The following VPS50 variants were observed in gnomAD, a reference collection of about 807,000 sequenced individuals.
VPS50 encodes syndetin.
A neutral mutation model predicts 139.7 loss-of-function variants in VPS50; 70 were observed. That is an observed-to-expected ratio of 0.50 (90% CI 0.41 to 0.61). The LOEUF is 0.61. VPS50 is among the 20% of genes least tolerant of loss of function. VPS50 has a pLI of 0.00. For synonymous variants in VPS50, 365 were observed against 376.7 expected, an observed-to-expected ratio of 0.97 and a Z score of 0.36; for missense variants, 921 against 1,133.7, an observed-to-expected ratio of 0.81 and a Z score of 2.69.
At chr7:93,246,522 G>A (rs181357977) in intron 2 of VPS50, among the ~76,000 whole-genome samples, 89 of 151,908 alleles carry the variant, frequency 5.9e-4, no homozygotes, top group Non-Finnish European at 9.9e-4. Context: ...ATAAAAACTA[G>A]TACTGAAGAT....
intron 20 of VPS50, among the ~76,000 whole-genome samples, chr7:93,317,474 G>GAGGTTGCAGCAAGCCA (rs760537721): frequency 6.6e-6 from 1 of 152,164 alleles, no homozygotes; most frequent in Non-Finnish European, 1.5e-5. Flanking sequence ...CCAGGAGGCA[G>GAGGTTGCAGCAAGCCA]AGGTTGCAGC....
chr7:93,247,079 T>A (rs1035063434), intron 2 of VPS50, among the ~76,000 whole-genome samples: 1 of 151,948 alleles, frequency 6.6e-6, no homozygotes, highest in Non-Finnish European at 1.5e-5. Context: ...TGTAGCTTTA[T>A]CTCAGACATG....
chr7:93,251,842 T>C (rs1214261327), intron 2 of VPS50, among the ~76,000 whole-genome samples: 1 of 152,226 alleles, frequency 6.6e-6, no homozygotes, highest in Non-Finnish European at 1.5e-5. Flanking sequence ...AATGGCTAAC[T>C]TGTGATATGT....
chr7:93,304,307 A>G (rs2116970993), intron 17 of VPS50, among the ~76,000 whole-genome samples: 2 of 151,878 alleles, frequency 1.3e-5, no homozygotes, highest in Middle Eastern at 6.8e-3. Flanking sequence ...CTTATTCTGG[A>G]TAAATGTAAA....
At chr7:93,250,054 A>G (rs1380905408) in intron 2 of VPS50, among the ~76,000 whole-genome samples, 1 of 151,358 alleles carries the variant, frequency 6.6e-6, no homozygotes, top group Non-Finnish European at 1.5e-5. Context: ...ACGCTGACTC[A>G]GTGATAGCTA....
intron 9 of VPS50, among the ~76,000 whole-genome samples, chr7:93,270,299 A>G (rs1317093800): frequency 6.6e-6 from 1 of 151,976 alleles, no homozygotes; most frequent in Non-Finnish European, 1.5e-5. Context: ...CGCATGTCTC[A>G]TCCCAGTCAT....
At chr7:93,324,941 A>G (rs547539064) in intron 21 of VPS50, among the ~76,000 whole-genome samples, 8 of 152,150 alleles carry the variant, frequency 5.3e-5, no homozygotes, top group Non-Finnish European at 1.0e-4. Flanking sequence ...ATTGGAAAAA[A>G]CTACTTTAAA....
intron 9 of VPS50, among the ~76,000 whole-genome samples, chr7:93,265,393 A>C (rs573796340): frequency 1.3e-5 from 2 of 152,242 alleles, no homozygotes; most frequent in South Asian, 4.1e-4. Flanking sequence ...AAGTAAACAA[A>C]CGGTTGTGGC....
At chr7:93,313,098 T>C (rs1416339066) in intron 20 of VPS50, among the ~76,000 whole-genome samples, 1 of 152,192 alleles carries the variant, frequency 6.6e-6, no homozygotes, top group Non-Finnish European at 1.5e-5. Flanking sequence ...GAAAGAATAG[T>C]ACCAACCAAT....
At chr7:93,346,307 G>A (rs1360523392) in intron 23 of VPS50, among the ~76,000 whole-genome samples, 1 of 152,152 alleles carries the variant, frequency 6.6e-6, no homozygotes, top group Non-Finnish European at 1.5e-5. Flanking sequence ...ACAGACCACT[G>A]CTCAAAGAAA....
At chr7:93,329,134 A>G (rs1797865061) in intron 21 of VPS50, among the ~76,000 whole-genome samples, 1 of 152,172 alleles carries the variant, frequency 6.6e-6, no homozygotes, top group African/African-American at 2.4e-5. Context: ...TAACTCTAAG[A>G]TATTGGAACC....
chr7:93,352,727 T>C (rs1461636523), intron 25 of VPS50, among the ~76,000 whole-genome samples: 1 of 152,178 alleles, frequency 6.6e-6, no homozygotes, highest in Non-Finnish European at 1.5e-5. Flanking sequence ...TTCTGCTCTT[T>C]CCGTCTAATT....
intron 12 of VPS50, among the ~76,000 whole-genome samples, chr7:93,286,898 G>T (rs1403369715): frequency 6.6e-6 from 1 of 151,812 alleles, no homozygotes; most frequent in East Asian, 1.9e-4. Context: ...ATAATGGAAA[G>T]GGGCTCAATT....
chr7:93,276,513 G>T, intron 12 of VPS50: 2 of 698,060 alleles, frequency 2.9e-6, no homozygotes, highest in Non-Finnish European at 4.2e-6. Context: ...TGAGATTGGA[G>T]CATGATTGCT....
intron 20 of VPS50, among the ~76,000 whole-genome samples, chr7:93,320,174 G>A (rs140256302): frequency 1.1e-4 from 16 of 152,144 alleles, no homozygotes; most frequent in African/African-American, 2.2e-4. Context: ...GTAGAAATTC[G>A]GACTCGGAAC....
intron 2 of VPS50, 45 bp from the exon 3 acceptor site, chr7:93,252,608 T>C: frequency 7.4e-7 from 1 of 1,350,394 alleles, no homozygotes; most frequent in Non-Finnish European, 1.0e-6. Context: ...CAGATATAAT[T>C]TTAACAGCTA....
chr7:93,232,615 G>A, intron 1 of VPS50, 115 bp downstream of exon 1: 1 of 946,988 alleles, frequency 1.1e-6, no homozygotes. Context: ...GGTGGCAGGT[G>A]TCAGGGGGAC....
Position 93,307,690 on chromosome 7 carries a change from A to G in VPS50, c.1630-1134A>G, listed in dbSNP as rs962024700. ...GTGGTCACAAACCTCTGTTGTTGTA[A>G]TCAGGACATCCTAGTTTATGTAGAA... On this transcript the variant is annotated intron_variant, in intron 18 of 27. Coordinates refer to ENST00000305866, the MANE Select transcript of VPS50 (RefSeq NM_017667.4). Among the ~76,000 whole-genome samples, 21 of 151,924 alleles carry G rather than the reference A, an allele frequency of 1.4e-4. No individual in the cohort carries two copies. The East Asian group carries it at 4.0e-3, about 29-fold the overall frequency.
intron 18 of VPS50, among the ~76,000 whole-genome samples, chr7:93,307,380 A>G (rs962233262): frequency 2.0e-5 from 3 of 151,914 alleles, no homozygotes; most frequent in African/African-American, 7.2e-5. Flanking sequence ...AAACAGTTAA[A>G]TCACCAACAA....
Sources: allele counts gnomAD v4.1 joint callset (sites outside exome capture counted in the v4.1 genomes callset), GRCh38; gene constraint gnomAD v4.1.1; transcripts MANE v1.5; gene names NCBI Gene and HGNC (gene_info 2026-07-23, HGNC 2026-07-21).